The following DNAH5 variants were observed in gnomAD, a reference collection of about 807,000 sequenced individuals.
DNAH5 encodes the protein dynein axonemal heavy chain 5.
A neutral mutation model predicts 518.2 loss-of-function variants in DNAH5; 372 were observed. The observed-to-expected ratio is 0.72, with a 90% CI of 0.66 to 0.78. DNAH5 has a LOEUF of 0.78. Ranked by LOEUF, DNAH5 falls within the 30% of genes least tolerant of loss-of-function variation. The probability of loss-of-function intolerance (pLI) is 0.00; values close to 1 mark genes in which losing one functional copy is unlikely to be tolerated. For missense variants in DNAH5, 5,523 were observed against 5,687.0 expected (o/e 0.97, Z 0.93); for synonymous variants, 2,039 against 2,025.9 (o/e 1.01, Z -0.17).
At chr5:13,988,727 C>CTTT (rs528130556) in intron 1 of DNAH5, among the ~76,000 whole-genome samples, 1 of 126,606 alleles carries the variant, frequency 7.9e-6, no homozygotes, top group Non-Finnish European at 1.6e-5. Flanking sequence ...CAGCCCAAAT[C>CTTT]TTTTTTTTTT....
chr5:13,875,210 G>T (rs1450956167), intron 22 of DNAH5, among the ~76,000 whole-genome samples: 1 of 152,160 alleles, frequency 6.6e-6, no homozygotes, highest in African/African-American at 2.4e-5. Flanking sequence ...GCTCACGACT[G>T]TAATCCCAGC....
chr5:13,851,086 A>G (rs779860626), intron 30 of DNAH5, among the ~76,000 whole-genome samples: 1 of 152,240 alleles, frequency 6.6e-6, no homozygotes, highest in Admixed American at 6.5e-5. Context: ...TAATAATACA[A>G]TTCAAGGAAA....
At chr5:13,698,424 T>C (rs889730844) in intron 78 of DNAH5, among the ~76,000 whole-genome samples, 3 of 152,204 alleles carry the variant, frequency 2.0e-5, no homozygotes, top group African/African-American at 7.2e-5. Context: ...CCATTTCTCC[T>C]AGGGGAAATA....
At chr5:13,791,058 C>T (rs1373922530) in intron 50 of DNAH5, among the ~76,000 whole-genome samples, 1 of 151,876 alleles carries the variant, frequency 6.6e-6, no homozygotes, top group Non-Finnish European at 1.5e-5. Flanking sequence ...CACGTGTACC[C>T]CCAAACCTAA....
At chr5:13,956,542 T>C (rs1034723612) in intron 1 of DNAH5, among the ~76,000 whole-genome samples, 1 of 152,212 alleles carries the variant, frequency 6.6e-6, no homozygotes, top group African/African-American at 2.4e-5. Context: ...GTGAGTTATT[T>C]GAGGATATGC....
intron 1 of DNAH5, among the ~76,000 whole-genome samples, chr5:14,002,054 A>G (rs1428181702): frequency 6.6e-6 from 1 of 151,966 alleles, no homozygotes; most frequent in East Asian, 1.9e-4. Flanking sequence ...GCGCACCACC[A>G]TACCCAGCTA....
intron 1 of DNAH5, among the ~76,000 whole-genome samples, chr5:13,933,527 C>T (rs1778621766): frequency 6.6e-6 from 1 of 152,176 alleles, no homozygotes; most frequent in Admixed American, 6.5e-5. Context: ...CACAGTGGCT[C>T]ATGCCTGTAA....
chr5:13,916,334 C>T lies in DNAH5; in HGVS notation c.1197+14G>A. On this transcript the variant is annotated intron_variant, in intron 9 of 78. Coordinates refer to ENST00000265104, the MANE Select transcript of DNAH5 (RefSeq NM_001369.3). ...GAAATACAAATGAACATGGACTCTA[C>T]ATCATGCACTTACCTTTACAAACAG... The T allele has an allele frequency of 7.5e-7, 1 of 1,328,542 alleles. No homozygotes were observed. The highest frequency in any genetic ancestry group is 1.2e-5 in the South Asian group (1 of 85,052). 82.3% of individuals were successfully genotyped at this position (1,328,542 alleles called of 1,614,324 possible). A position where few individuals can be genotyped will look rare whatever the true frequency, so the allele number is the denominator to read the frequency against.
chr5:13,793,514 C>T lies in DNAH5; in HGVS notation c.8224+1G>A, dbSNP rs1316632333. The stretch of plus-strand genomic sequence containing the variant: ...CCACCCCACATCCTCTTGATCTTTA[C>T]CAAAGATCTTGTCCACAGAAGCTTC... On this transcript the variant is annotated splice_donor_variant, in intron 49 of 78. Transcript: ENST00000265104. LOFTEE classifies it high-confidence loss of function. 1 of 1,609,706 alleles carries T rather than the reference C, an allele frequency of 6.2e-7. No individual in the cohort carries two copies. Among genetic ancestry groups the T allele is most frequent in the Admixed American group, 1.7e-5 (1 of 60,004 alleles).
intron 65 of DNAH5, among the ~76,000 whole-genome samples, chr5:13,742,373 C>T: frequency 6.6e-6 from 1 of 151,882 alleles, no homozygotes; most frequent in South Asian, 2.1e-4. Flanking sequence ...ACTACTCTAA[C>T]AAAACTGGTC....
intron 32 of DNAH5, among the ~76,000 whole-genome samples, chr5:13,842,846 A>C (rs1765475856): frequency 6.6e-6 from 1 of 152,218 alleles, no homozygotes; most frequent in South Asian, 2.1e-4. Flanking sequence ...GGAGCAACAA[A>C]AAACAAAAGC....
chr5:13,841,786 T>C lies in DNAH5; in HGVS notation c.5390A>G (p.Gln1797Arg), dbSNP rs1424935969. 1 of 1,613,860 alleles carries C rather than the reference T, an allele frequency of 6.2e-7. No homozygotes were observed. The highest frequency in any genetic ancestry group is 8.5e-7 in the Non-Finnish European group (1 of 1,179,744). ...GCGAATCACAAGATGCAATGAGGAC[T>C]GAGATTCTTCCAAAAGAGAATTAAG... is the stretch of plus-strand genomic sequence containing the variant. ...VWLNSLLEES[Q>R]SSLHLVIRQA... The change falls in exon 33 of 79, where the codon CAG (glutamine) becomes CGG (arginine). Residue 1797 changes from glutamine to arginine, a missense_variant. By Grantham distance (43) the Gln-to-Arg change is conservative. Transcript: ENST00000265104.
chr5:13,993,694 A>C lies in DNAH5; in HGVS notation c.12+17954T>G, dbSNP rs1032591241. On this transcript the variant is annotated intron_variant, in intron 1 of 78. Transcript: ENST00000681290. ...TCACATGCATGAGCACAGCTATAAA[A>C]AGAGACTGGCTTCGTGGGTGGTTGT... Among the ~76,000 whole-genome samples the C allele has an allele frequency of 2.6e-5, 4 of 152,234 alleles. 1 individual carries two copies.
At chr5:13,808,159 G>C (rs1759949401) in intron 46 of DNAH5, among the ~76,000 whole-genome samples, 1 of 150,568 alleles carries the variant, frequency 6.6e-6, no homozygotes, top group African/African-American at 2.5e-5. Context: ...GAACCCGAGA[G>C]GCAGACGTAG....
intron 1 of DNAH5, among the ~76,000 whole-genome samples, chr5:14,000,308 A>T (rs1433917162): frequency 6.6e-6 from 1 of 152,252 alleles, no homozygotes; most frequent in Admixed American, 6.5e-5. Context: ...TGGGGCCGCC[A>T]GGAGCTGGGA....
At chr5:13,846,415 C>G (rs1186740276) in intron 31 of DNAH5, among the ~76,000 whole-genome samples, 1 of 152,088 alleles carries the variant, frequency 6.6e-6, no homozygotes, top group Non-Finnish European at 1.5e-5. Context: ...TAGGAAAAAT[C>G]AAGTCTTTAC....
At chr5:13,708,538 T>C (rs1303394228) in intron 75 of DNAH5, among the ~76,000 whole-genome samples, 1 of 151,620 alleles carries the variant, frequency 6.6e-6, no homozygotes, top group Non-Finnish European at 1.5e-5. Context: ...CGAATTTTCA[T>C]GCCATGTGGG....
intron 1 of DNAH5, among the ~76,000 whole-genome samples, chr5:13,995,253 T>A (rs759921370): frequency 6.6e-6 from 1 of 152,200 alleles, no homozygotes; most frequent in Non-Finnish European, 1.5e-5. Context: ...GTGCACCACA[T>A]ATACAGTAGC....
At chr5:13,793,098 A>G (rs1229307907) in intron 49 of DNAH5, among the ~76,000 whole-genome samples, 1 of 152,198 alleles carries the variant, frequency 6.6e-6, no homozygotes, top group Non-Finnish European at 1.5e-5. Context: ...TCTGGGTGCC[A>G]TTATTTCTTT....
Sources: gnomAD v4.1 joint callset for allele counts (sites outside exome capture counted in the v4.1 genomes callset) on GRCh38, gnomAD v4.1.1 for gene constraint, MANE v1.5 for transcripts, NCBI Gene and HGNC (gene_info 2026-07-23, HGNC 2026-07-21) for gene names.